SHANK2: variants seen among roughly 807,000 people sequenced by gnomAD.
SHANK2 encodes SH3 and multiple ankyrin repeat domains 2.
SHANK2 carries 43 observed loss-of-function variants against 133.7 expected under a neutral mutation model. The observed-to-expected ratio is 0.32, with a 90% CI of 0.25 to 0.41. SHANK2 has a LOEUF of 0.41. Ranked by LOEUF, SHANK2 falls within the 10% of genes least tolerant of loss-of-function variation. SHANK2 has a pLI of 1.00. For synonymous variants in SHANK2, 1,017 were observed against 952.8 expected, an observed-to-expected ratio of 1.07 and a Z score of -1.24; for missense variants, 1,994 against 2,235.8, an observed-to-expected ratio of 0.89 and a Z score of 2.18.
At chr11:70,905,697 G>A (rs1565397067) in intron 10 of SHANK2, among the ~76,000 whole-genome samples, 1 of 152,178 alleles carries the variant, frequency 6.6e-6, no homozygotes, top group Non-Finnish European at 1.5e-5. Context: ...TCCAGGAAGT[G>A]GGCCCTCATC....
In SHANK2 at chr11:70,502,860, G is replaced by C; in HGVS notation, c.2133C>G (p.His711Gln). Residue 711 changes from histidine (H) to glutamine (Q), a missense_variant, in exon 18 of 26, where the codon CAC (histidine) becomes CAG (glutamine). His to Gln is a conservative substitution (Grantham distance 24). This residue lies in a region of SHANK2 where 488 missense variants were observed against 642.6 expected (regional missense o/e 0.76). Coordinates refer to ENST00000601538, the MANE Select transcript of SHANK2 (RefSeq NM_012309.5). ...VVNMIRQGGN[H>Q]LVLKVVTVTR... ...TCACCGTGACCACCTTAAGGACCAG[G>C]TGATTCCCTCCCTGCCGGATCATGT... 1 of 1,613,788 alleles carries C rather than the reference G, an allele frequency of 6.2e-7. No homozygotes were observed.
chr11:70,805,985 G>A (rs1220471035), intron 13 of SHANK2, among the ~76,000 whole-genome samples: 2 of 152,246 alleles, frequency 1.3e-5, no homozygotes, highest in African/African-American at 4.8e-5. Flanking sequence ...AGGCAAGAGG[G>A]CGGGGCTCTG....
At chr11:70,565,949 T>TA (rs1443811767) in intron 17 of SHANK2, among the ~76,000 whole-genome samples, 1 of 152,262 alleles carries the variant, frequency 6.6e-6, no homozygotes, top group East Asian at 1.9e-4. Flanking sequence ...AAGATATACC[T>TA]AAGACTGGGT....
At chr11:71,096,808 A>G (rs1479743444) in intron 6 of SHANK2, among the ~76,000 whole-genome samples, 1 of 152,230 alleles carries the variant, frequency 6.6e-6, no homozygotes, top group South Asian at 2.1e-4. Flanking sequence ...TTAAATTAAC[A>G]TATAATTTTC....
intron 17 of SHANK2, among the ~76,000 whole-genome samples, chr11:70,627,495 C>T (rs2060920353): frequency 2.0e-5 from 3 of 152,210 alleles, no homozygotes; most frequent in African/African-American, 7.2e-5. Context: ...TTATTTGCTA[C>T]TGCAGCCTAA....
chr11:70,490,416 G>A (rs782544201), intron 22 of SHANK2, 29 bp from the exon 23 acceptor site: 40 of 1,583,382 alleles, frequency 2.5e-5, no homozygotes, highest in African/African-American at 1.3e-5. Flanking sequence ...AGGGTGAGAC[G>A]CAGCCCTGGC....
At position 70,830,121 on chromosome 11, in the gene SHANK2, C is replaced by T. The variant is rs1305064620; in HGVS notation, c.1175-9439G>A. Among the ~76,000 whole-genome samples the T allele has an allele frequency of 6.6e-6, 1 of 152,196 alleles. No homozygotes were observed. The highest frequency in any genetic ancestry group is 1.5e-5 in the Non-Finnish European group (1 of 68,034). ...CTGGCGCTGAAGGCACAGACTCTGC[C>T]CCGACAAACGCAAACCTTTGTGCAG... On this transcript the variant is annotated intron_variant, in intron 11 of 25. Transcript: ENST00000601538. The surrounding 1 kb of genome is among the most constrained non-coding windows in gnomAD (Gnocchi z 4.4).
At chr11:71,117,844 TTC>T (rs1555100661) in intron 4 of SHANK2, among the ~76,000 whole-genome samples, 1 of 152,078 alleles carries the variant, frequency 6.6e-6, no homozygotes, top group Non-Finnish European at 1.5e-5. Flanking sequence ...CCTTCTTAGG[TTC>T]TCTGAGCTGC....
At chr11:71,068,191 T>C (rs1304953450) in intron 9 of SHANK2, among the ~76,000 whole-genome samples, 1 of 152,168 alleles carries the variant, frequency 6.6e-6, no homozygotes, top group East Asian at 1.9e-4. Flanking sequence ...CATGACTTAA[T>C]CTACAAGTAG....
At chr11:70,812,511 C>A (rs1193514619) in intron 12 of SHANK2, among the ~76,000 whole-genome samples, 2 of 152,222 alleles carry the variant, frequency 1.3e-5, no homozygotes, top group Admixed American at 6.5e-5. Flanking sequence ...GTCCTCACAT[C>A]CTAGCTCGGG....
intron 11 of SHANK2, among the ~76,000 whole-genome samples, chr11:70,853,796 C>T (rs1348777185): frequency 2.0e-5 from 3 of 152,174 alleles, no homozygotes; most frequent in African/African-American, 7.2e-5. Flanking sequence ...CCCTCCAGGG[C>T]CTCTAGGAGA....
rs1555052339 is a variant in SHANK2, at chr11:70,807,865, CA to C, written c.1494-695del. Among the ~76,000 whole-genome samples the C allele has an allele frequency of 6.6e-6, 1 of 152,042 alleles. No homozygotes were observed. The highest frequency in any genetic ancestry group is 2.4e-5 in the African/African-American group (1 of 41,396). On this transcript the variant is annotated intron_variant, in intron 12 of 25. Coordinates refer to ENST00000601538, the MANE Select transcript of SHANK2 (RefSeq NM_012309.5). The surrounding 1 kb of genome is among the most constrained non-coding windows in gnomAD (Gnocchi z 4.8). ...AAGTAAACTGTGACACAGGCTACAC[CA>C]TGGGTGAACCTTGGGGACACTGCTC...
chr11:70,540,004 C>T lies in SHANK2; in HGVS notation c.2062-37073G>A, dbSNP rs150487385. 1.5e-3 allele frequency among the ~76,000 whole-genome samples: 233 copies of T among 152,258 alleles called. 1 individual carries two copies. Among genetic ancestry groups the T allele is most frequent in the African/African-American group, 5.2e-3 (216 of 41,552 alleles). On this transcript the variant is annotated intron_variant, in intron 17 of 25. Coordinates refer to ENST00000601538, the MANE Select transcript of SHANK2 (RefSeq NM_012309.5). ...TGCCTCCATCTTCGCCTGGCCTTCCCACTGTGTGCCTGTCTGCGCCCAAAC... is the reference window on the plus strand; with the variant it reads ...TGCCTCCATCTTCGCCTGGCCTTCCTACTGTGTGCCTGTCTGCGCCCAAAC...
At chr11:71,165,196 G>A (rs1306747852) in intron 2 of SHANK2, among the ~76,000 whole-genome samples, 1 of 151,964 alleles carries the variant, frequency 6.6e-6, no homozygotes, top group East Asian at 1.9e-4. Context: ...ACCACACCCA[G>A]CTAATTTTGT....
At chr11:70,631,409 C>CACACACAG (rs1555002114) in intron 17 of SHANK2, among the ~76,000 whole-genome samples, 1 of 103,900 alleles carries the variant, frequency 9.6e-6, no homozygotes, top group Non-Finnish European at 2.6e-5. Flanking sequence ...CACACACACA[C>CACACACAG]CCACACAACC....
rs1055752870 is a variant in SHANK2, at chr11:71,182,341, G to C, written c.-12-35003C>G. On this transcript the variant is annotated intron_variant, in intron 2 of 25. Transcript: ENST00000601538. ...ATGGAACAGCCTTGAAGATGGATTT[G>C]TTTCTTGGGACTACCACGACAAAGT... Among the ~76,000 whole-genome samples the C allele has an allele frequency of 3.3e-5, 5 of 152,284 alleles. No homozygotes were observed. The Middle Eastern group carries it at 0.01, about 311-fold the overall frequency.
At chr11:70,795,140 C>T (rs535969250) in intron 14 of SHANK2, among the ~76,000 whole-genome samples, 1 of 152,228 alleles carries the variant, frequency 6.6e-6, no homozygotes, top group Non-Finnish European at 1.5e-5. Context: ...CACAGAGATG[C>T]CTTCCTTCCC....
chr11:70,883,400 A>G (rs1231726139), intron 11 of SHANK2, among the ~76,000 whole-genome samples: 1 of 152,114 alleles, frequency 6.6e-6, no homozygotes, highest in East Asian at 1.9e-4. Flanking sequence ...AATGTCCTCC[A>G]TCTGTAGGAA....
rs188116927 is a variant in SHANK2, at chr11:70,521,490, A to G, written c.2062-18559T>C. On this transcript the variant is annotated intron_variant, in intron 17 of 25. Transcript: ENST00000601538. ...TACAATTACGTGAAATATTTACTCA[A>G]TTCCAAAATTGAACCTGCTACTCTC... Among the ~76,000 whole-genome samples the G allele has an allele frequency of 3.6e-4, 55 of 152,342 alleles. No homozygotes were observed. In the East Asian group the frequency reaches 5.0e-3, roughly 14 times the overall value.
Sources: gnomAD v4.1 joint callset for allele counts (sites outside exome capture counted in the v4.1 genomes callset) on GRCh38, gnomAD v4.1.1 for gene constraint, gnomAD v4.1.1 regional missense constraint, Gnocchi (gnomAD v3.1) non-coding constraint, MANE v1.5 for transcripts, NCBI Gene and HGNC (gene_info 2026-07-23, HGNC 2026-07-21) for gene names.